Variants in KDF1 observed in about 807,000 individuals in gnomAD.
KDF1 encodes the protein keratinocyte differentiation factor 1.
A neutral mutation model predicts 31.6 loss-of-function variants in KDF1; 11 were observed. That is an observed-to-expected ratio of 0.35 (90% CI 0.22 to 0.58). The LOEUF is 0.58. Among genes scored for constraint, KDF1 ranks in the 20% least tolerant of loss-of-function variants. The probability of loss-of-function intolerance (pLI) is 0.83; values close to 1 mark genes in which losing one functional copy is unlikely to be tolerated. For synonymous variants in KDF1, 205 were observed against 214.4 expected (o/e 0.96, Z 0.38); for missense variants, 476 against 549.1 (o/e 0.87, Z 1.33).
chr1:26,957,811 TTTA>T (rs150201940), intron 1 of KDF1, among the ~76,000 whole-genome samples: 8,107 of 151,552 alleles, frequency 0.053, 296 homozygotes, highest in Non-Finnish European at 0.079. Context: ...ACATGCTGGA[TTTA>T]TTATTATTAT....
Position 26,952,706 on chromosome 1 carries a change from C to T in KDF1, c.-32-294G>A, listed in dbSNP as rs895142937. Reference sequence around the variant, plus strand: ...TATGAAAGGTTGAACATTGGCCGGGCGTGGTGGCTCACGCCTGTAATCCCA... The same window carrying T: ...TATGAAAGGTTGAACATTGGCCGGGTGTGGTGGCTCACGCCTGTAATCCCA... On this transcript the variant is annotated intron_variant, in intron 1 of 3. Coordinates refer to ENST00000320567, the MANE Select transcript of KDF1 (RefSeq NM_152365.3). The surrounding 1 kb of genome is among the most constrained non-coding windows in gnomAD (Gnocchi z 4.1). 2.6e-5 allele frequency among the ~76,000 whole-genome samples: 4 copies of T among 152,124 alleles called. No individual in the cohort carries two copies. The highest frequency in any genetic ancestry group is 4.4e-5 in the Non-Finnish European group (3 of 68,018).
At chr1:26,954,759 G>C (rs2082368867) in intron 1 of KDF1, among the ~76,000 whole-genome samples, 1 of 148,670 alleles carries the variant, frequency 6.7e-6, no homozygotes, top group African/African-American at 2.5e-5. Flanking sequence ...CTTGAACTCA[G>C]GAGGCAGAAG....
rs1165488168 is a variant in KDF1 at position 26,952,905 on chromosome 1, AC to A, written c.-32-494del. ...AGGCTGAGGCAGGAGAATCGCTTGA[AC>A]CCGGGTGGCAGAGGTTGCAGTGAGC... On this transcript the variant is annotated intron_variant, in intron 1 of 3. Transcript: ENST00000320567. This position sits in a 1 kb window ranked among gnomAD's most constrained non-coding sequence, Gnocchi z 4.1. Among the ~76,000 whole-genome samples the A allele has an allele frequency of 1.3e-5, 2 of 150,768 alleles. No individual in the cohort carries two copies. Among genetic ancestry groups the A allele is most frequent in the African/African-American group, 4.9e-5 (2 of 41,008 alleles).
At chr1:26,956,671 C>T (rs1017525908) in intron 1 of KDF1, among the ~76,000 whole-genome samples, 6 of 152,104 alleles carry the variant, frequency 3.9e-5, no homozygotes, top group Admixed American at 1.3e-4. Context: ...ATGTGAATAA[C>T]TGGTGAAATA....
At position 26,950,636 on chromosome 1, in the gene KDF1, G is replaced by T; in HGVS notation, c.1114+46C>A. 6.4e-7 allele frequency: 1 copy of T among 1,564,486 alleles called. No individual in the cohort carries two copies. The highest frequency in any genetic ancestry group is 8.8e-7 in the Non-Finnish European group (1 of 1,136,092). On this transcript the variant is annotated intron_variant, in intron 3 of 3. Coordinates refer to ENST00000320567, the MANE Select transcript of KDF1 (RefSeq NM_152365.3). The surrounding 1 kb of genome is among the most constrained non-coding windows in gnomAD (Gnocchi z 4.0). ...GAGAGCAGCAGGTGAGGGGCCCCTA[G>T]GGTAGTCCCCCACCCTCCACACCCC...
chr1:26,952,264 G>C lies in KDF1; in HGVS notation c.117C>G (p.Ser39Arg). The part of the protein sequence containing the change: ...TYDKPPQPPP[S>R]RRTRRPDPKD... ...TGGGGTCTGGTCTACGGGTGCGGCG[G>C]CTTGGTGGGGGCTGAGGTGGTTTAT... Residue 39 changes from serine (S) to arginine (R), a missense_variant, in exon 2 of 4, where the codon AGC (serine) becomes AGG (arginine). Physicochemically the swap from Ser to Arg is moderately radical, Grantham distance 110. Coordinates refer to ENST00000320567, the MANE Select transcript of KDF1 (RefSeq NM_152365.3). This position sits in a 1 kb window ranked among gnomAD's most constrained non-coding sequence, Gnocchi z 4.1. 4 of 1,582,366 alleles carry C rather than the reference G, an allele frequency of 2.5e-6. No individual in the cohort carries two copies. Among genetic ancestry groups the C allele is most frequent in the Non-Finnish European group, 2.6e-6 (3 of 1,162,674 alleles).
chr1:26,950,787 C>G lies in KDF1; in HGVS notation c.1040-31G>C, dbSNP rs1397267125. On this transcript the variant is annotated intron_variant, in intron 2 of 3. Transcript: ENST00000320567. The surrounding 1 kb of genome is among the most constrained non-coding windows in gnomAD (Gnocchi z 4.0). ...GAGGGAACGTGAGGCAAGCAGTGGT[C>G]ATTAGCACGTTCTTTCAACCCTATT... 6.3e-7 allele frequency: 1 copy of G among 1,590,346 alleles called. No homozygotes were observed. The highest frequency in any genetic ancestry group is 8.6e-7 in the Non-Finnish European group (1 of 1,158,630).
At position 26,951,171 on chromosome 1, in the gene KDF1, A is replaced by G. The variant is rs932018624; in HGVS notation, c.1039+171T>C. 6.6e-6 allele frequency among the ~76,000 whole-genome samples: 1 copy of G among 152,192 alleles called. No homozygotes were observed. The highest frequency in any genetic ancestry group is 6.5e-5 in the Admixed American group (1 of 15,270). On this transcript the variant is annotated intron_variant, in intron 2 of 3. Coordinates refer to ENST00000320567, the MANE Select transcript of KDF1 (RefSeq NM_152365.3). This position sits in a 1 kb window ranked among gnomAD's most constrained non-coding sequence, Gnocchi z 5.4. The stretch of plus-strand genomic sequence containing the variant: ...CAGCCTTGCTCGGACCTCACCAGGA[A>G]GGGCCAGAGTGGGAGCTGGGGAGAG...
Position 26,950,278 on chromosome 1 carries a change from G to T in KDF1, c.1115-127C>A. 1.2e-6 allele frequency: 1 copy of T among 823,224 alleles called. No homozygotes were observed. The allele number at this position is 823,224 out of a possible 1,614,324, so 51.0% of individuals were successfully genotyped here. ...TTGAGCCTGGGTCAGTCTGATCCTG[G>T]CTGGATGACCCACTCAGTTTATTGA... On this transcript the variant is annotated intron_variant, in intron 3 of 3. Transcript: ENST00000320567. The surrounding 1 kb of genome is among the most constrained non-coding windows in gnomAD (Gnocchi z 4.0).
intron 1 of KDF1, among the ~76,000 whole-genome samples, chr1:26,957,852 G>C (rs951425245): frequency 6.6e-6 from 1 of 152,076 alleles, no homozygotes; most frequent in Non-Finnish European, 1.5e-5. Context: ...GTCTTACTCT[G>C]TCACCAACGC....
At chr1:26,955,059 T>C (rs1245051966) in intron 1 of KDF1, among the ~76,000 whole-genome samples, 2 of 151,924 alleles carry the variant, frequency 1.3e-5, no homozygotes, top group Non-Finnish European at 2.9e-5. Flanking sequence ...GGTTTCGCCA[T>C]GTTGGCCAGG....
intron 1 of KDF1, among the ~76,000 whole-genome samples, chr1:26,953,485 T>C (rs2082361930): frequency 6.6e-6 from 1 of 152,162 alleles, no homozygotes; most frequent in African/African-American, 2.4e-5. Context: ...TTATTCACAA[T>C]AGCCAAAAGG....
chr1:26,959,543 G>A (rs998637383), intron 1 of KDF1, among the ~76,000 whole-genome samples: 3 of 152,142 alleles, frequency 2.0e-5, no homozygotes, highest in Non-Finnish European at 4.4e-5. Flanking sequence ...TCCCGCAGTG[G>A]CCTTGCCCAT....
At position 26,949,761 on chromosome 1, in the gene KDF1, G is replaced by A. The variant is rs2082338308; in HGVS notation, c.*308C>T. The A allele has an allele frequency of 3.2e-6, 1 of 309,618 alleles. No homozygotes were observed. Among genetic ancestry groups the A allele is most frequent in the Non-Finnish European group, 6.2e-6 (1 of 161,616 alleles). 19.2% of individuals were successfully genotyped at this position (309,618 alleles called of 1,614,324 possible). A position where few individuals can be genotyped will look rare whatever the true frequency, so the allele number is the denominator to read the frequency against. On this transcript the variant is annotated 3_prime_UTR_variant, in exon 4 of 4. Transcript: ENST00000320567. ...TTGGTTAGGGTGGCAATAGGGGGAT[G>A]GAGTCAGGGTTCACTCCCAGAAGGT...
rs1303561215 is a variant in KDF1 at position 26,951,327 on chromosome 1, G to A, written c.1039+15C>T. On this transcript the variant is annotated intron_variant, in intron 2 of 3. Coordinates refer to ENST00000320567, the MANE Select transcript of KDF1 (RefSeq NM_152365.3). This position sits in a 1 kb window ranked among gnomAD's most constrained non-coding sequence, Gnocchi z 5.4. ...CCCCTACTCTGCCCCTCAGCCCCAT[G>A]GGGCCCCCACCTACCATCCTGGCTG... The A allele has an allele frequency of 3.9e-6, 6 of 1,534,618 alleles. No individual in the cohort carries two copies. Among genetic ancestry groups the A allele is most frequent in the Non-Finnish European group, 5.3e-6 (6 of 1,135,506 alleles).
At position 26,950,727 on chromosome 1, in the gene KDF1, T is replaced by A. The variant is rs1327048298; in HGVS notation, c.1069A>T (p.Thr357Ser). 1.2e-6 allele frequency: 2 copies of A among 1,613,878 alleles called. No homozygotes were observed. Residue 357 changes from threonine to serine, a missense_variant, in exon 3 of 4, where the codon ACT becomes TCT. Around this residue, in one of 2 missense-constraint regions of KDF1, gnomAD observed 146 missense variants for 216.8 expected, o/e 0.67. Coordinates refer to ENST00000320567, the MANE Select transcript of KDF1 (RefSeq NM_152365.3). This position sits in a 1 kb window ranked among gnomAD's most constrained non-coding sequence, Gnocchi z 4.0. The part of the protein sequence containing the change: ...ELTVQISQET[T>S]ADAIARKLRP... Reference sequence around the variant, plus strand: ...AGCTTCCGGGCGATGGCATCTGCAGTCGTCTCCTGGGAGATCTGCACTGTC... The same window carrying A: ...AGCTTCCGGGCGATGGCATCTGCAGACGTCTCCTGGGAGATCTGCACTGTC...
chr1:26,957,913 G>A (rs569022544), intron 1 of KDF1, among the ~76,000 whole-genome samples: 16 of 150,120 alleles, frequency 1.1e-4, no homozygotes, highest in Non-Finnish European at 1.5e-4. Context: ...CTCCCAGGTG[G>A]AGGCAATTCT....
At chr1:26,955,936 C>T (rs2082375789) in intron 1 of KDF1, among the ~76,000 whole-genome samples, 1 of 152,178 alleles carries the variant, frequency 6.6e-6, no homozygotes, top group Admixed American at 6.5e-5. Context: ...GCCTATGCAA[C>T]AGAGTGAGAC....
chr1:26,951,725 AAAG>A lies in KDF1; in HGVS notation c.653_655del (p.Ser218del). On this transcript the variant is annotated inframe_deletion, in exon 2 of 4. Transcript: ENST00000320567. The surrounding 1 kb of genome is among the most constrained non-coding windows in gnomAD (Gnocchi z 5.4). ...CGGCAGGTCCAGGTCCGACTCATGG[AAAG>A]AATAGTACTCCTCGGAGCCACGAGG... 1 of 1,613,902 alleles carries A rather than the reference AAAG, an allele frequency of 6.2e-7. No individual in the cohort carries two copies. The highest frequency in any genetic ancestry group is 8.5e-7 in the Non-Finnish European group (1 of 1,180,002).
Sources: allele counts gnomAD v4.1 joint callset (sites outside exome capture counted in the v4.1 genomes callset), GRCh38; gene constraint gnomAD v4.1.1; regional missense constraint gnomAD v4.1.1; non-coding constraint Gnocchi (gnomAD v3.1); transcripts MANE v1.5; gene names NCBI Gene and HGNC (gene_info 2026-07-23, HGNC 2026-07-21).